The following SLC12A4 variants were observed in gnomAD, a reference collection of about 807,000 sequenced individuals.
The protein encoded by SLC12A4 is electroneutral potassium-chloride cotransporter 1.
SLC12A4 carries 84 observed loss-of-function variants against 119.2 expected under a neutral mutation model. That is an observed-to-expected ratio of 0.70 (90% CI 0.59 to 0.85). The LOEUF is 0.85. Among genes scored for constraint, SLC12A4 ranks in the 40% least tolerant of loss-of-function variants. The probability of loss-of-function intolerance (pLI) is 0.00; values close to 1 mark genes in which losing one functional copy is unlikely to be tolerated. For synonymous variants in SLC12A4, 599 were observed against 604.6 expected (o/e 0.99, Z 0.14); for missense variants, 1,298 against 1,476.3 (o/e 0.88, Z 1.98).
chr16:67,944,487 C>A lies in SLC12A4; in HGVS notation c.*353G>T, dbSNP rs1704654866. ...TCCCTGGCTACCCTTCCCTTCGTCT[C>A]TGATGGTGACATCCAAACAATAAAT... On this transcript the variant is annotated 3_prime_UTR_variant, in exon 24 of 24. Coordinates refer to ENST00000316341, the MANE Select transcript of SLC12A4 (RefSeq NM_005072.5). The surrounding 1 kb of genome is among the most constrained non-coding windows in gnomAD (Gnocchi z 6.6). The A allele has an allele frequency of 1.6e-6, 2 of 1,251,812 alleles. No homozygotes were observed. Among genetic ancestry groups the A allele is most frequent in the Non-Finnish European group, 2.0e-6 (2 of 995,232 alleles). The allele number at this position is 1,251,812 out of a possible 1,614,324, so 77.5% of individuals were successfully genotyped here.
At position 67,945,828 on chromosome 16, in the gene SLC12A4, A is replaced by C. The variant is rs771717628; in HGVS notation, c.2783T>G (p.Met928Arg). 1 of 1,613,848 alleles carries C rather than the reference A, an allele frequency of 6.2e-7. No homozygotes were observed. The highest frequency in any genetic ancestry group is 2.2e-5 in the East Asian group (1 of 44,890). ...CAGCATCTGCGACCGCTGCTCCATC[A>C]TCAGCGTCCGCTCGTAGGTGTATGC... ...ISAYTYERTL[M>R]MEQRSQMLRQ... The change falls in exon 21 of 24, where the codon ATG (methionine) becomes AGG (arginine). Residue 928 changes from methionine (M) to arginine (R), a missense_variant. Coordinates refer to ENST00000316341, the MANE Select transcript of SLC12A4 (RefSeq NM_005072.5).
rs979557973 is a variant in SLC12A4 at position 67,963,528 on chromosome 16, A to C, written c.147T>G (p.Phe49Leu). ...CTCTGGAAGCCTCCAAGGGGGAAAGAAAAGGGCTGCTCTCTCTGTGGTTGC... is the reference window on the plus strand; with the variant it reads ...CTCTGGAAGCCTCCAAGGGGGAAAGCAAAGGGCTGCTCTCTCTGTGGTTGC... ...GHGNHRESSP[F>L]LSPLEASRGI... The change falls in exon 2 of 24, where the codon TTT becomes TTG. Residue 49 changes from phenylalanine (F) to leucine (L), a missense_variant. Physicochemically the swap from Phe to Leu is conservative, Grantham distance 22. Transcript: ENST00000316341. The C allele has an allele frequency of 6.3e-7, 1 of 1,586,228 alleles. No homozygotes were observed. The highest frequency in any genetic ancestry group is 8.5e-7 in the Non-Finnish European group (1 of 1,171,574).
chr16:67,951,945 T>G lies in SLC12A4; in HGVS notation c.1010A>C (p.Gln337Pro). Reference protein sequence around the residue: ...AVVDNETVATQLWSFFCHSPN... With the variant: ...AVVDNETVATPLWSFFCHSPN... ...GCTGTGGCAGAAGAAACTCCATAGC[T>G]GGGTGGCCACTGTCTCATTGTCCAC... Residue 337 changes from glutamine (Q) to proline (P), a missense_variant, in exon 8 of 24, where the codon CAG becomes CCG. By Grantham distance (76) the Gln-to-Pro change is moderately conservative. Transcript: ENST00000316341. This position sits in a 1 kb window ranked among gnomAD's most constrained non-coding sequence, Gnocchi z 5.2. 1 of 1,614,020 alleles carries G rather than the reference T, an allele frequency of 6.2e-7. No individual in the cohort carries two copies. Among genetic ancestry groups the G allele is most frequent in the South Asian group, 1.1e-5 (1 of 91,078 alleles).
chr16:67,957,110 T>C (rs1026118729), intron 5 of SLC12A4, among the ~76,000 whole-genome samples: 4 of 151,782 alleles, frequency 2.6e-5, no homozygotes, highest in Admixed American at 6.6e-5. Context: ...TTCAAGCTAT[T>C]CTCTGCCTCA....
chr16:67,968,559 G>T lies in SLC12A4; in HGVS notation c.-6C>A, dbSNP rs771307757. 1.3e-6 allele frequency: 2 copies of T among 1,525,670 alleles called. No individual in the cohort carries two copies. The highest frequency in any genetic ancestry group is 2.0e-5 in the Admixed American group (1 of 51,190). The allele number at this position is 1,525,670 out of a possible 1,614,324, so 94.5% of individuals were successfully genotyped here. On this transcript the variant is annotated 5_prime_UTR_variant, in exon 1 of 24. Transcript: ENST00000316341. ...ACCACGGTGAAGTGAGGCATCGTGC[G>T]GGCTCGGCCCCGCCGCACCCGCCGT...
At chr16:67,947,627 GCC>G in intron 15 of SLC12A4, 40 bp downstream of exon 15, 1 of 1,577,620 alleles carries the variant, frequency 6.3e-7, no homozygotes, top group African/African-American at 1.3e-5. Context: ...GCTCGGCCGG[GCC>G]CCCTCAGCTG....
chr16:67,966,792 T>C, intron 1 of SLC12A4: 1 of 1,551,098 alleles, frequency 6.4e-7, no homozygotes, highest in South Asian at 1.2e-5. Context: ...ACAGCCAAGG[T>C]CTGGCTGGAA....
chr16:67,968,429 G>A lies in SLC12A4; in HGVS notation c.115+10C>T. On this transcript the variant is annotated intron_variant, in intron 1 of 23. Transcript: ENST00000316341. ...CTGCCCCGCCACGGCCCCTCAGAAC[G>A]CGCCCTCACCGTCCGAGTCATCCAG... is the stretch of plus-strand genomic sequence containing the variant. 1.3e-6 allele frequency: 2 copies of A among 1,563,894 alleles called. No individual in the cohort carries two copies. The highest frequency in any genetic ancestry group is 1.1e-5 in the South Asian group (1 of 87,354).
chr16:67,961,819 G>A (rs2151337727), intron 2 of SLC12A4, 113 bp from the exon 3 acceptor site: 1 of 1,394,418 alleles, frequency 7.2e-7, no homozygotes, highest in Non-Finnish European at 9.9e-7. Context: ...GCCTGGGCCT[G>A]ATCCCAGTTC....
In SLC12A4 at chr16:67,968,590, C is replaced by A. The variant is rs1165759030; in HGVS notation, c.-37G>T. 3 of 1,452,404 alleles carry A rather than the reference C, an allele frequency of 2.1e-6. No homozygotes were observed. The South Asian group carries it at 4.0e-5, about 19-fold the overall frequency. The allele number at this position is 1,452,404 out of a possible 1,614,324, so 90.0% of individuals were successfully genotyped here. On this transcript the variant is annotated 5_prime_UTR_variant, in exon 1 of 24. Transcript: ENST00000316341. ...GGCCCCGCCGCACCCGCCGTCCCAG[C>A]CGCCCGCCGCTGTCCCCGCCGCTGT...
intron 1 of SLC12A4, 102 bp downstream of exon 1, chr16:67,968,337 T>G: frequency 9.5e-7 from 1 of 1,053,802 alleles, no homozygotes. Context: ...CACCGACGTG[T>G]GCGCGCAAGG....
In SLC12A4 at chr16:67,944,151, T is replaced by C; in HGVS notation, c.*689A>G. On this transcript the variant is annotated 3_prime_UTR_variant, in exon 24 of 24. Coordinates refer to ENST00000316341, the MANE Select transcript of SLC12A4 (RefSeq NM_005072.5). This position sits in a 1 kb window ranked among gnomAD's most constrained non-coding sequence, Gnocchi z 6.6. Reference sequence around the variant, plus strand: ...AGAAAGCGGCACTGGGCTGTCCTTATCTGGTGTGGGAGTGGGAGGGGCCCT... The same window carrying C: ...AGAAAGCGGCACTGGGCTGTCCTTACCTGGTGTGGGAGTGGGAGGGGCCCT... The C allele has an allele frequency of 2.6e-6, 4 of 1,532,970 alleles. No homozygotes were observed. Among genetic ancestry groups the C allele is most frequent in the Non-Finnish European group, 3.5e-6 (4 of 1,135,070 alleles). The allele number at this position is 1,532,970 out of a possible 1,614,324, so 95.0% of individuals were successfully genotyped here. A position where few individuals can be genotyped will look rare whatever the true frequency, so the allele number is the denominator to read the frequency against.
intron 3 of SLC12A4, among the ~76,000 whole-genome samples, chr16:67,959,368 A>T (rs531444873): frequency 6.6e-6 from 1 of 152,172 alleles, no homozygotes; most frequent in African/African-American, 2.4e-5. Flanking sequence ...ATACGGGGAG[A>T]GGGGACAGGG....
Position 67,943,862 on chromosome 16 carries a change from G to A in SLC12A4, c.*978C>T, listed in dbSNP as rs2058310605. 1 of 1,302,296 alleles carries A rather than the reference G, an allele frequency of 7.7e-7. No homozygotes were observed. The highest frequency in any genetic ancestry group is 1.1e-6 in the Non-Finnish European group (1 of 952,108). The allele number at this position is 1,302,296 out of a possible 1,614,324, so 80.7% of individuals were successfully genotyped here. On this transcript the variant is annotated 3_prime_UTR_variant, in exon 24 of 24. Coordinates refer to ENST00000316341, the MANE Select transcript of SLC12A4 (RefSeq NM_005072.5). This position sits in a 1 kb window ranked among gnomAD's most constrained non-coding sequence, Gnocchi z 4.6. ...TGTCGGGGCTTATGCAGGGCAGAAG[G>A]GCTTTGGCCAGGTCAGCTGCCAGGG...
At chr16:67,967,463 C>T (rs962194913) in intron 1 of SLC12A4, among the ~76,000 whole-genome samples, 3 of 152,188 alleles carry the variant, frequency 2.0e-5, no homozygotes, top group African/African-American at 7.2e-5. Flanking sequence ...CCTGTGATAC[C>T]CACAGCTACA....
Position 67,943,809 on chromosome 16 carries a change from C to A in SLC12A4, c.*1031G>T, listed in dbSNP as rs576994918. 3.0e-5 allele frequency: 24 copies of A among 792,798 alleles called. 1 individual carries two copies. The South Asian group carries it at 4.7e-4, about 16-fold the overall frequency. 49.1% of individuals were successfully genotyped at this position (792,798 alleles called of 1,614,324 possible). A position where few individuals can be genotyped will look rare whatever the true frequency, so the allele number is the denominator to read the frequency against. On this transcript the variant is annotated 3_prime_UTR_variant, in exon 24 of 24. Transcript: ENST00000316341. This position sits in a 1 kb window ranked among gnomAD's most constrained non-coding sequence, Gnocchi z 4.6. Reference sequence around the variant, plus strand: ...ATTCCTCTAAGGGACAAGCTTTTGGCCCCTCCCCACACCAGGGCAGGTACT... The same window carrying A: ...ATTCCTCTAAGGGACAAGCTTTTGGACCCTCCCCACACCAGGGCAGGTACT...
chr16:67,951,606 G>C lies in SLC12A4; in HGVS notation c.1132+217C>G. 3.3e-6 allele frequency: 2 copies of C among 613,086 alleles called. No homozygotes were observed. The highest frequency in any genetic ancestry group is 5.7e-6 in the Non-Finnish European group (2 of 349,238). 38.0% of individuals were successfully genotyped at this position (613,086 alleles called of 1,614,324 possible). ...AGGCAGTGTCAGGGGCTGGTGGCTG[G>C]GGAAGACAGGCTGCTGCAGGCCTTG... On this transcript the variant is annotated intron_variant, in intron 8 of 23. Transcript: ENST00000316341. This position sits in a 1 kb window ranked among gnomAD's most constrained non-coding sequence, Gnocchi z 5.2.
Position 67,951,188 on chromosome 16 carries a change from C to CG in SLC12A4, c.1248dup (p.Ala417ArgfsTer30). The CG allele has an allele frequency of 6.2e-7, 1 of 1,614,064 alleles. No individual in the cohort carries two copies. The highest frequency in any genetic ancestry group is 8.5e-7 in the Non-Finnish European group (1 of 1,179,964). ...CCGACCAGCACGGTGAAGGATGTGGCGATGTCAGCGACCACGTACAGAGGC... is the reference window on the plus strand; with the variant it reads ...CCGACCAGCACGGTGAAGGATGTGGCGGATGTCAGCGACCACGTACAGAGGC... On this transcript the variant is annotated frameshift_variant, in exon 9 of 24. Coordinates refer to ENST00000316341, the MANE Select transcript of SLC12A4 (RefSeq NM_005072.5). LOFTEE classifies it high-confidence loss of function. This position sits in a 1 kb window ranked among gnomAD's most constrained non-coding sequence, Gnocchi z 5.2.
At chr16:67,965,941 G>A (rs2030848422) in intron 1 of SLC12A4, among the ~76,000 whole-genome samples, 1 of 152,194 alleles carries the variant, frequency 6.6e-6, no homozygotes, top group South Asian at 2.1e-4. Context: ...TAGGGGCGGA[G>A]CTGCAGGTTC....
Sources: allele counts gnomAD v4.1 joint callset (sites outside exome capture counted in the v4.1 genomes callset), GRCh38; gene constraint gnomAD v4.1.1; non-coding constraint Gnocchi (gnomAD v3.1); transcripts MANE v1.5; gene names NCBI Gene and HGNC (gene_info 2026-07-23, HGNC 2026-07-21).